The following MAML2 variants were observed in gnomAD, a reference collection of about 807,000 sequenced individuals.
MAML2 encodes the protein mastermind-like protein 2.
In MAML2, 22 loss-of-function variants were observed where a neutral mutation model predicts 96.1. That is an observed-to-expected ratio of 0.23 (90% CI 0.16 to 0.33). The LOEUF is 0.33. Among genes scored for constraint, MAML2 ranks in the 10% least tolerant of loss-of-function variants. MAML2 has a pLI of 1.00. For missense variants in MAML2, 1,367 were observed against 1,392.4 expected (o/e 0.98, Z 0.29); for synonymous variants, 561 against 521.3 (o/e 1.08, Z -1.04).
intron 1 of MAML2, among the ~76,000 whole-genome samples, chr11:96,210,633 G>C (rs1036327450): frequency 6.6e-6 from 1 of 152,174 alleles, no homozygotes; most frequent in East Asian, 1.9e-4. Flanking sequence ...GAAAACAGGA[G>C]TAACAAGAGG....
intron 2 of MAML2, among the ~76,000 whole-genome samples, chr11:96,059,770 T>C (rs1159076472): frequency 1.3e-5 from 2 of 152,158 alleles, no homozygotes; most frequent in African/African-American, 2.4e-5. Flanking sequence ...ATTTTTGGAT[T>C]AGGGATACTC....
chr11:96,055,051 T>A (rs1187799393), intron 2 of MAML2, among the ~76,000 whole-genome samples: 1 of 152,188 alleles, frequency 6.6e-6, no homozygotes, highest in East Asian at 1.9e-4. Context: ...GCAGATGGCA[T>A]CTGCTTCAAA....
intron 1 of MAML2, among the ~76,000 whole-genome samples, chr11:96,201,943 G>A (rs1434681673): frequency 1.3e-5 from 2 of 151,148 alleles, no homozygotes; most frequent in Admixed American, 1.3e-4. Flanking sequence ...TCTAATGGAA[G>A]TATAGTACCA....
At chr11:96,323,499 C>A (rs937805581) in intron 1 of MAML2, among the ~76,000 whole-genome samples, 1 of 149,688 alleles carries the variant, frequency 6.7e-6, no homozygotes, top group African/African-American at 2.5e-5. Context: ...AAAAAAAACC[C>A]ATCTGCATGC....
intron 1 of MAML2, among the ~76,000 whole-genome samples, chr11:96,236,831 C>T (rs1460607001): frequency 6.6e-6 from 1 of 152,136 alleles, no homozygotes; most frequent in Non-Finnish European, 1.5e-5. Context: ...GTATACTGAG[C>T]TCTCTGCCTT....
intron 2 of MAML2, among the ~76,000 whole-genome samples, chr11:96,073,450 A>T (rs1859380685): frequency 6.6e-6 from 1 of 151,458 alleles, no homozygotes; most frequent in Admixed American, 6.6e-5. Context: ...CCTCCCAAGT[A>T]GCTGGGACTA....
intron 1 of MAML2, among the ~76,000 whole-genome samples, chr11:96,222,831 C>T (rs1212701499): frequency 1.3e-5 from 2 of 151,986 alleles, no homozygotes; most frequent in Non-Finnish European, 2.9e-5. Context: ...AGAATTACTA[C>T]CAGTTTTATT....
rs1857910997 is a variant in MAML2 at position 95,991,505 on chromosome 11, A to G, written c.2343+15T>C. 4 of 1,612,394 alleles carry G rather than the reference A, an allele frequency of 2.5e-6. No individual in the cohort carries two copies. Among genetic ancestry groups the G allele is most frequent in the Non-Finnish European group, 3.4e-6 (4 of 1,178,536 alleles). On this transcript the variant is annotated intron_variant, in intron 3 of 4. Coordinates refer to ENST00000524717, the MANE Select transcript of MAML2 (RefSeq NM_032427.4). ...TCAACAGGTTTGTTCAGTAGAAATT[A>G]AGAGAAAGTTTTACCGCGTCAGCCA...
chr11:96,313,561 C>T (rs535748662), intron 1 of MAML2, among the ~76,000 whole-genome samples: 4 of 152,238 alleles, frequency 2.6e-5, no homozygotes, highest in Admixed American at 1.3e-4. Context: ...CTGACTTTTT[C>T]CTTCCTCTTT....
intron 2 of MAML2, among the ~76,000 whole-genome samples, chr11:96,070,706 A>G (rs955735776): frequency 1.3e-5 from 2 of 152,232 alleles, no homozygotes; most frequent in Non-Finnish European, 2.9e-5. Flanking sequence ...CCAGGTCGGT[A>G]GTGTGAGCTG....
chr11:96,124,006 G>A (rs1463134890), intron 1 of MAML2, among the ~76,000 whole-genome samples: 1 of 148,608 alleles, frequency 6.7e-6, no homozygotes, highest in Non-Finnish European at 1.5e-5. Context: ...GGAGGCGGAG[G>A]TTGCAGTGAG....
intron 1 of MAML2, among the ~76,000 whole-genome samples, chr11:96,146,102 T>C (rs1464086328): frequency 6.6e-6 from 1 of 152,266 alleles, no homozygotes; most frequent in African/African-American, 2.4e-5. Context: ...ATTTTCAATC[T>C]ACTCCTATAA....
At chr11:96,093,631 T>G (rs1046867176) in intron 1 of MAML2, 114 bp from the exon 2 acceptor site, 17 of 825,422 alleles carry the variant, frequency 2.1e-5, no homozygotes, top group Non-Finnish European at 2.8e-5. Context: ...CAAGATTCAG[T>G]TTTTTAAAAA....
chr11:96,146,542 C>G (rs1860824861), intron 1 of MAML2, among the ~76,000 whole-genome samples: 1 of 152,186 alleles, frequency 6.6e-6, no homozygotes, highest in African/African-American at 2.4e-5. Flanking sequence ...CATTTTTGAC[C>G]TTCAGCATCT....
rs376793036 is a variant in MAML2, at chr11:95,980,023, C to T, written c.2456-60G>A. On this transcript the variant is annotated intron_variant, in intron 4 of 4. Coordinates refer to ENST00000524717, the MANE Select transcript of MAML2 (RefSeq NM_032427.4). ...CAGCATGTTATCTCCTCTGTAACTG[C>T]ACTTTTCAATAACTCATCAATCTGA... 3.0e-6 allele frequency: 4 copies of T among 1,328,254 alleles called. No homozygotes were observed. The South Asian group carries it at 5.8e-5, about 19-fold the overall frequency. The allele number at this position is 1,328,254 out of a possible 1,614,324, so 82.3% of individuals were successfully genotyped here. A position where few individuals can be genotyped will look rare whatever the true frequency, so the allele number is the denominator to read the frequency against.
chr11:96,025,516 T>A (rs1310676309), intron 2 of MAML2, among the ~76,000 whole-genome samples: 1 of 152,188 alleles, frequency 6.6e-6, no homozygotes, highest in African/African-American at 2.4e-5. Context: ...GTAACAAACC[T>A]GAATGTGTAC....
chr11:96,128,755 T>C (rs559211297), intron 1 of MAML2, among the ~76,000 whole-genome samples: 179 of 152,340 alleles, frequency 1.2e-3, no homozygotes, highest in Non-Finnish European at 2.1e-3. Context: ...GTGACATGTT[T>C]CATCACAGGG....
chr11:96,255,148 C>T (rs1012237588), intron 1 of MAML2, among the ~76,000 whole-genome samples: 2 of 152,196 alleles, frequency 1.3e-5, no homozygotes, highest in Non-Finnish European at 2.9e-5. Context: ...CTTTTGAAAA[C>T]ACAAATATGA....
intron 1 of MAML2, among the ~76,000 whole-genome samples, chr11:96,204,004 G>A (rs1242318998): frequency 6.6e-6 from 1 of 152,138 alleles, no homozygotes; most frequent in Non-Finnish European, 1.5e-5. Flanking sequence ...GGGTGTGGGG[G>A]AATCTCCAGG....
Sources: allele counts gnomAD v4.1 joint callset (sites outside exome capture counted in the v4.1 genomes callset), GRCh38; gene constraint gnomAD v4.1.1; transcripts MANE v1.5; gene names NCBI Gene and HGNC (gene_info 2026-07-23, HGNC 2026-07-21).